Variants in ATXN1 observed in about 807,000 individuals in gnomAD.
ATXN1 encodes ataxin-1.
In ATXN1, 8 loss-of-function variants were observed where a neutral mutation model predicts 56.4. That is an observed-to-expected ratio of 0.14 (90% CI 0.08 to 0.26). The LOEUF (loss-of-function observed/expected upper bound fraction) is 0.26, where lower values mean the gene tolerates loss of function less well. ATXN1 is among the 10% of genes least tolerant of loss of function. The pLI is 1.00. For synonymous variants in ATXN1, 514 were observed against 494.6 expected, an observed-to-expected ratio of 1.04 and a Z score of -0.52; for missense variants, 987 against 1,106.5, an observed-to-expected ratio of 0.89 and a Z score of 1.53.
At chr6:16,397,936 TC>T (rs1365253775) in intron 6 of ATXN1, among the ~76,000 whole-genome samples, 1 of 152,220 alleles carries the variant, frequency 6.6e-6, no homozygotes, top group African/African-American at 2.4e-5. Context: ...AGTTTCATTG[TC>T]CCTGTTTGAC....
chr6:16,384,280 G>A (rs1239100589), intron 6 of ATXN1, among the ~76,000 whole-genome samples: 2 of 152,156 alleles, frequency 1.3e-5, no homozygotes, highest in Non-Finnish European at 2.9e-5. Context: ...AACTGAACAT[G>A]GAATAAGGCC....
chr6:16,599,747 C>T (rs1372566301), intron 3 of ATXN1, among the ~76,000 whole-genome samples: 1 of 149,724 alleles, frequency 6.7e-6, no homozygotes, highest in East Asian at 1.9e-4. Flanking sequence ...TGAATGGGAA[C>T]AAGAGGGTTA....
At chr6:16,613,596 G>A (rs1324224470) in intron 3 of ATXN1, among the ~76,000 whole-genome samples, 3 of 152,042 alleles carry the variant, frequency 2.0e-5, no homozygotes. Context: ...GGAGGCTGAG[G>A]CAGGATTGCT....
At chr6:16,422,054 T>C (rs1350972129) in intron 6 of ATXN1, among the ~76,000 whole-genome samples, 1 of 152,102 alleles carries the variant, frequency 6.6e-6, no homozygotes, top group African/African-American at 2.4e-5. Flanking sequence ...AGGGTTTTTT[T>C]TTTTATTTGC....
intron 3 of ATXN1, among the ~76,000 whole-genome samples, chr6:16,613,288 A>G (rs1473105753): frequency 1.3e-5 from 2 of 150,892 alleles, no homozygotes; most frequent in African/African-American, 4.8e-5. Context: ...AAAAAAAAAA[A>G]AAAAAAATTA....
intron 6 of ATXN1, chr6:16,432,923 G>T (rs1218701078): frequency 6.6e-6 from 1 of 152,016 alleles, no homozygotes; most frequent in Admixed American, 6.5e-5. Flanking sequence ...ATTTTCTGAG[G>T]CACTACACAG....
At chr6:16,376,284 GAAC>G in intron 6 of ATXN1, among the ~76,000 whole-genome samples, 1 of 152,184 alleles carries the variant, frequency 6.6e-6, no homozygotes, top group East Asian at 1.9e-4. Flanking sequence ...ACTCTGGACT[GAAC>G]AAAACCCCAA....
intron 3 of ATXN1, among the ~76,000 whole-genome samples, chr6:16,616,943 AT>A (rs1763224033): frequency 6.6e-6 from 1 of 151,676 alleles, no homozygotes; most frequent in South Asian, 2.1e-4. Flanking sequence ...ATTATAGTAT[AT>A]TTTTATATAA....
intron 2 of ATXN1, among the ~76,000 whole-genome samples, chr6:16,659,973 A>G (rs780748005): frequency 2.0e-5 from 3 of 152,188 alleles, no homozygotes; most frequent in African/African-American, 4.8e-5. Context: ...CTAAGTGACA[A>G]TATTTTCCAT....
At chr6:16,675,128 C>T (rs1457755817) in intron 2 of ATXN1, among the ~76,000 whole-genome samples, 1 of 152,132 alleles carries the variant, frequency 6.6e-6, no homozygotes, top group African/African-American at 2.4e-5. Context: ...AGGTGGGTGT[C>T]TGTGTTGTAG....
intron 1 of ATXN1, among the ~76,000 whole-genome samples, chr6:16,759,896 G>A (rs9370923): frequency 6.6e-6 from 1 of 152,146 alleles, no homozygotes; most frequent in South Asian, 2.1e-4. Context: ...GGGGGCTGAA[G>A]AGGGGTCGGG....
chr6:16,394,908 C>T (rs555035616), intron 6 of ATXN1, among the ~76,000 whole-genome samples: 30 of 152,284 alleles, frequency 2.0e-4, no homozygotes, highest in South Asian at 1.0e-3. Flanking sequence ...CAAGGAGAAA[C>T]AGTAGCATGT....
Position 16,370,277 on chromosome 6 carries a change from C to T in ATXN1, c.-160-41807G>A, listed in dbSNP as rs553565332. Among the ~76,000 whole-genome samples, 7 of 152,216 alleles carry T rather than the reference C, an allele frequency of 4.6e-5. No homozygotes were observed. The East Asian group carries it at 1.2e-3, about 25-fold the overall frequency. On this transcript the variant is annotated intron_variant, in intron 6 of 7. Coordinates refer to ENST00000436367, the MANE Select transcript of ATXN1 (RefSeq NM_001128164.2). ...TTGTTCTTTCCACATCAACCCCCGC[C>T]GGACATATTTCAAAAATGCAACTGT...
In ATXN1 at chr6:16,327,633, GTGCTGCTGCTGC is replaced by G. The variant is rs751421308; in HGVS notation, c.666_677del (p.Gln222_Gln225del). 1,191 of 1,448,760 alleles carry G rather than the reference GTGCTGCTGCTGC, an allele frequency of 8.2e-4. 1 individual carries two copies. Among genetic ancestry groups the G allele is most frequent in the East Asian group, 5.0e-3 (201 of 39,828 alleles). 89.7% of individuals were successfully genotyped at this position (1,448,760 alleles called of 1,614,324 possible). A position where few individuals can be genotyped will look rare whatever the true frequency, so the allele number is the denominator to read the frequency against. On this transcript the variant is annotated inframe_deletion, in exon 7 of 8. Transcript: ENST00000436367. ...TGATGAGCCCCGGAGCCCTGCTGAGGTGCTGCTGCTGCTGCTGCTGCTGCTGCTGCTGCTGCT... is the reference window on the plus strand; with the variant it reads ...TGATGAGCCCCGGAGCCCTGCTGAGGTGCTGCTGCTGCTGCTGCTGCTGCT...
intron 6 of ATXN1, among the ~76,000 whole-genome samples, chr6:16,436,484 C>G (rs1266636739): frequency 6.6e-6 from 1 of 152,056 alleles, no homozygotes; most frequent in Non-Finnish European, 1.5e-5. Context: ...GGTCTGGTGA[C>G]CATTTTTTCA....
intron 6 of ATXN1, among the ~76,000 whole-genome samples, chr6:16,442,174 G>A (rs560069645): frequency 7.9e-5 from 12 of 152,262 alleles, no homozygotes; most frequent in African/African-American, 1.7e-4. Flanking sequence ...AGTCAGTAGC[G>A]TGACACTCAG....
At chr6:16,476,248 C>T (rs1760324564) in intron 6 of ATXN1, among the ~76,000 whole-genome samples, 1 of 152,082 alleles carries the variant, frequency 6.6e-6, no homozygotes, top group Admixed American at 6.5e-5. Context: ...AGTATGCTTC[C>T]AGTTATTTAC....
At chr6:16,482,435 G>T (rs553671738) in intron 6 of ATXN1, among the ~76,000 whole-genome samples, 1 of 152,164 alleles carries the variant, frequency 6.6e-6, no homozygotes, top group Non-Finnish European at 1.5e-5. Flanking sequence ...AACACAGAAG[G>T]CTAGAGGACT....
chr6:16,635,982 C>T (rs962202703), intron 3 of ATXN1, among the ~76,000 whole-genome samples: 155 of 152,328 alleles, frequency 1.0e-3, no homozygotes, highest in African/African-American at 3.7e-3. Context: ...ACAACCCTAA[C>T]CTCAGGCAGT....
Sources: allele counts gnomAD v4.1 joint callset (sites outside exome capture counted in the v4.1 genomes callset), GRCh38; gene constraint gnomAD v4.1.1; transcripts MANE v1.5; gene names NCBI Gene and HGNC (gene_info 2026-07-23, HGNC 2026-07-21).